Variants in GRM4 observed in about 807,000 individuals in gnomAD.
GRM4 encodes metabotropic glutamate receptor 4.
In GRM4, 28 loss-of-function variants were observed where a neutral mutation model predicts 81.7. The observed-to-expected ratio is 0.34, with a 90% CI of 0.25 to 0.47. The LOEUF is 0.47. Ranked by LOEUF, GRM4 falls within the 20% of genes least tolerant of loss-of-function variation. The pLI is 1.00. For synonymous variants in GRM4, 488 were observed against 528.8 expected (o/e 0.92, Z 1.06); for missense variants, 948 against 1,290.0 (o/e 0.73, Z 4.06).
rs562792551 is a variant in GRM4 at position 34,035,902 on chromosome 6, G to A, written c.2208C>T (p.Asp736=). ...TGAGCACACCCCTGGCGAAGCGGGG[G>A]TCGAGTGTCCGCTGGTCCTGGAAGT... ...VVDFQDQRTL[D]PRFARGVLKC... The change falls in exon 9 of 11, where the codon GAC becomes GAT. Residue 736 remains aspartate, a synonymous_variant. Transcript: ENST00000538487. This position sits in a 1 kb window ranked among gnomAD's most constrained non-coding sequence, Gnocchi z 6.6. The A allele has an allele frequency of 1.9e-6, 3 of 1,608,638 alleles. No individual in the cohort carries two copies. Among genetic ancestry groups the A allele is most frequent in the South Asian group, 1.1e-5 (1 of 90,856 alleles).
At chr6:34,120,342 C>T (rs368941444) in intron 2 of GRM4, among the ~76,000 whole-genome samples, 12 of 152,194 alleles carry the variant, frequency 7.9e-5, no homozygotes, top group African/African-American at 2.9e-4. Flanking sequence ...CTGGCCCAGG[C>T]TGATCAGCCA....
At chr6:34,137,373 G>A (rs1342724745) in intron 1 of GRM4, among the ~76,000 whole-genome samples, 1 of 152,230 alleles carries the variant, frequency 6.6e-6, no homozygotes, top group African/African-American at 2.4e-5. Flanking sequence ...CAGCTCTCAG[G>A]CCAACAGTGT....
chr6:34,052,376 G>A (rs528134343), intron 6 of GRM4, among the ~76,000 whole-genome samples: 22 of 152,266 alleles, frequency 1.4e-4, no homozygotes, highest in African/African-American at 5.3e-4. Flanking sequence ...TCCTCTTCTT[G>A]GGGGAACTCC....
intron 1 of GRM4, 99 bp downstream of exon 1, chr6:34,145,899 ACC>A: frequency 1.4e-6 from 1 of 711,854 alleles, no homozygotes; most frequent in Non-Finnish European, 1.7e-6. Context: ...ACCCCTCCAC[ACC>A]CGCCCTGCTG....
intron 3 of GRM4, among the ~76,000 whole-genome samples, chr6:34,063,853 G>A (rs1766305036): frequency 6.6e-6 from 1 of 152,200 alleles, no homozygotes; most frequent in African/African-American, 2.4e-5. Context: ...GAGACAGATG[G>A]ACAGAGGAAG....
rs1431398767 is a variant in GRM4 at position 34,114,138 on chromosome 6, GC to G, written c.519+18839del. Among the ~76,000 whole-genome samples the G allele has an allele frequency of 6.6e-6, 1 of 152,048 alleles. No homozygotes were observed. The highest frequency in any genetic ancestry group is 2.4e-5 in the African/African-American group (1 of 41,378). ...CCTTCCCCTCCTTCACAACTCTCTA[GC>G]CCCTGGCCCTGGGCAGGTCCCCTCC... On this transcript the variant is annotated intron_variant, in intron 2 of 10. Transcript: ENST00000538487. The surrounding 1 kb of genome is among the most constrained non-coding windows in gnomAD (Gnocchi z 4.3).
Position 34,050,091 on chromosome 6 carries a change from A to G in GRM4, c.1168+6453T>C, listed in dbSNP as rs536717216. ...CTGCCCGTTGCTCCCCCATGACCCTATCTCCTGCCTGTTGCTCTCTCTGCT... is the reference window on the plus strand; with the variant it reads ...CTGCCCGTTGCTCCCCCATGACCCTGTCTCCTGCCTGTTGCTCTCTCTGCT... On this transcript the variant is annotated intron_variant, in intron 6 of 10. Coordinates refer to ENST00000538487, the MANE Select transcript of GRM4 (RefSeq NM_000841.4). 9.2e-5 allele frequency among the ~76,000 whole-genome samples: 14 copies of G among 152,078 alleles called. No individual in the cohort carries two copies. In the East Asian group the frequency reaches 2.7e-3, roughly 29 times the overall value.
chr6:34,051,882 G>A (rs1295637570), intron 6 of GRM4, among the ~76,000 whole-genome samples: 1 of 152,174 alleles, frequency 6.6e-6, no homozygotes, highest in Admixed American at 6.5e-5. Flanking sequence ...TGAGGAAATC[G>A]AGGCCCCCAG....
chr6:34,022,447 A>G lies in GRM4; in HGVS notation c.*374T>C, dbSNP rs536281027. On this transcript the variant is annotated 3_prime_UTR_variant, in exon 11 of 11. Transcript: ENST00000538487. The surrounding 1 kb of genome is among the most constrained non-coding windows in gnomAD (Gnocchi z 5.6). The stretch of plus-strand genomic sequence containing the variant: ...AAAAGGTGAAACAAAGAGATAAGAG[A>G]ACAGAAAGACAGGGCTGGAGACAGA... The G allele has an allele frequency of 7.9e-6, 2 of 253,400 alleles. No homozygotes were observed. The highest frequency in any genetic ancestry group is 6.8e-5 in the South Asian group (1 of 14,702). The allele number at this position is 253,400 out of a possible 1,614,324, so 15.7% of individuals were successfully genotyped here.
intron 6 of GRM4, among the ~76,000 whole-genome samples, chr6:34,053,917 G>T (rs1302685119): frequency 6.6e-6 from 1 of 152,200 alleles, no homozygotes; most frequent in Non-Finnish European, 1.5e-5. Flanking sequence ...CACCCCTAAG[G>T]TTCTGATCTA....
At chr6:34,044,885 GACAT>G (rs780241243) in intron 6 of GRM4, among the ~76,000 whole-genome samples, 2 of 120,104 alleles carry the variant, frequency 1.7e-5, no homozygotes, top group African/African-American at 7.0e-5. Context: ...CATATATACA[GACAT>G]ACACATACAC....
chr6:34,108,184 C>T lies in GRM4; in HGVS notation c.520-16085G>A, dbSNP rs574584537. ...CCGCAGCTCCGTGAGCTTGCCACGA[C>T]GGGAAGATCTGAATTCTAACTCACC... On this transcript the variant is annotated intron_variant, in intron 2 of 10. Transcript: ENST00000538487. 3.6e-4 allele frequency among the ~76,000 whole-genome samples: 55 copies of T among 152,348 alleles called. 2 individuals are homozygous for T. Among genetic ancestry groups the T allele is most frequent in the South Asian group, 2.3e-3 (11 of 4,828 alleles).
At chr6:34,084,498 G>C (rs917109177) in intron 3 of GRM4, among the ~76,000 whole-genome samples, 1 of 152,088 alleles carries the variant, frequency 6.6e-6, no homozygotes, top group Admixed American at 6.5e-5. Flanking sequence ...GGCAGGTGAG[G>C]GGCACCTGCA....
intron 2 of GRM4, among the ~76,000 whole-genome samples, chr6:34,132,539 T>C (rs774741191): frequency 6.6e-6 from 1 of 151,678 alleles, no homozygotes; most frequent in Non-Finnish European, 1.5e-5. Context: ...CCAGCATTCA[T>C]ATTTCCATTC....
chr6:34,027,113 C>T (rs144685947), intron 10 of GRM4, among the ~76,000 whole-genome samples: 1 of 152,270 alleles, frequency 6.6e-6, no homozygotes, highest in African/African-American at 2.4e-5. Context: ...AAGGGAACCC[C>T]AGGGTCGTAG....
chr6:34,059,554 C>T lies in GRM4; in HGVS notation c.873-426G>A, dbSNP rs1766079224. The T allele has an allele frequency of 4.7e-6, 1 of 214,376 alleles. No homozygotes were observed. The highest frequency in any genetic ancestry group is 8.0e-5 in the South Asian group (1 of 12,502). The allele number at this position is 214,376 out of a possible 1,614,324, so 13.3% of individuals were successfully genotyped here. On this transcript the variant is annotated intron_variant, in intron 4 of 10. Coordinates refer to ENST00000538487, the MANE Select transcript of GRM4 (RefSeq NM_000841.4). This position sits in a 1 kb window ranked among gnomAD's most constrained non-coding sequence, Gnocchi z 5.7. ...ATTCCTTGCCCATTCTCACACGCAT[C>T]CACCATCACACAACCGCCGCCCTCA...
Position 34,089,935 on chromosome 6 carries a change from G to C in GRM4, c.736+1948C>G, listed in dbSNP as rs554007995. Among the ~76,000 whole-genome samples, 1 of 152,258 alleles carries C rather than the reference G, an allele frequency of 6.6e-6. No individual in the cohort carries two copies. Among genetic ancestry groups the C allele is most frequent in the South Asian group, 2.1e-4 (1 of 4,808 alleles). On this transcript the variant is annotated intron_variant, in intron 3 of 10. Transcript: ENST00000538487. This position sits in a 1 kb window ranked among gnomAD's most constrained non-coding sequence, Gnocchi z 4.3. ...GGTCTCAGTGAGCACGCAAATGACA[G>C]AAGACAGAGAAGACAAGAGTACAGA...
chr6:34,148,256 G>A (rs540971626), upstream of GRM4, among the ~76,000 whole-genome samples: 17 of 152,012 alleles, frequency 1.1e-4, no homozygotes, highest in South Asian at 4.2e-4. Flanking sequence ...CTCCGTCAGC[G>A]GCCCTCACCT....
Position 34,121,002 on chromosome 6 carries a change from CAT to C in GRM4, c.519+11974_519+11975del, listed in dbSNP as rs750240215. ...CATTATATTATCCTCTATAATTTTC[CAT>C]ATGTTTTAAATCATTTATTAAGATA... is the stretch of plus-strand genomic sequence containing the variant. On this transcript the variant is annotated intron_variant, in intron 2 of 10. Coordinates refer to ENST00000538487, the MANE Select transcript of GRM4 (RefSeq NM_000841.4). This position sits in a 1 kb window ranked among gnomAD's most constrained non-coding sequence, Gnocchi z 4.6. Among the ~76,000 whole-genome samples the C allele has an allele frequency of 6.6e-6, 1 of 152,136 alleles. No homozygotes were observed. Among genetic ancestry groups the C allele is most frequent in the Non-Finnish European group, 1.5e-5 (1 of 68,024 alleles).
Sources: allele counts gnomAD v4.1 joint callset (sites outside exome capture counted in the v4.1 genomes callset), GRCh38; gene constraint gnomAD v4.1.1; non-coding constraint Gnocchi (gnomAD v3.1); transcripts MANE v1.5; gene names NCBI Gene and HGNC (gene_info 2026-07-23, HGNC 2026-07-21).